NR3C1: variants seen among roughly 807,000 people sequenced by gnomAD.
NR3C1 encodes glucocorticoid receptor.
In NR3C1, 14 loss-of-function variants were observed where a neutral mutation model predicts 74.0. That is an observed-to-expected ratio of 0.19 (90% CI 0.12 to 0.30). The LOEUF (loss-of-function observed/expected upper bound fraction) is 0.30, where lower values mean the gene tolerates loss of function less well. NR3C1 is among the 10% of genes least tolerant of loss of function. The probability of loss-of-function intolerance (pLI) is 1.00; values close to 1 mark genes in which losing one functional copy is unlikely to be tolerated. For missense variants in NR3C1, 695 were observed against 909.8 expected (o/e 0.76, Z 3.04); for synonymous variants, 308 against 332.5 (o/e 0.93, Z 0.80).
intron 2 of NR3C1, among the ~76,000 whole-genome samples, chr5:143,378,117 G>A (rs1835543434): frequency 6.6e-6 from 1 of 152,010 alleles, no homozygotes; most frequent in South Asian, 2.1e-4. Flanking sequence ...CAAGGATGGT[G>A]GTGCACACCT....
intron 1 of NR3C1, among the ~76,000 whole-genome samples, chr5:143,411,669 T>C (rs959978033): frequency 3.9e-5 from 6 of 152,222 alleles, no homozygotes; most frequent in Non-Finnish European, 8.8e-5. Context: ...AATTTACTAT[T>C]AAGAGTGTTA....
chr5:143,302,204 T>A (rs545043724), intron 4 of NR3C1, among the ~76,000 whole-genome samples: 1 of 152,260 alleles, frequency 6.6e-6, no homozygotes, highest in African/African-American at 2.4e-5. Flanking sequence ...GTTGTGAGAA[T>A]TAAATATGTA....
chr5:143,318,077 T>G (rs1036755814), intron 2 of NR3C1, among the ~76,000 whole-genome samples: 1 of 152,122 alleles, frequency 6.6e-6, no homozygotes, highest in Non-Finnish European at 1.5e-5. Context: ...GTGGATTATA[T>G]ATATTAGAGT....
At chr5:143,429,787 T>C (rs1751716388) in intron 1 of NR3C1, among the ~76,000 whole-genome samples, 1 of 152,164 alleles carries the variant, frequency 6.6e-6, no homozygotes, top group African/African-American at 2.4e-5. Flanking sequence ...CCATCAAAAA[T>C]CATGGTTTTT....
chr5:143,363,308 G>A (rs951484609), intron 2 of NR3C1, among the ~76,000 whole-genome samples: 1 of 152,178 alleles, frequency 6.6e-6, no homozygotes, highest in Non-Finnish European at 1.5e-5. Context: ...AAATACTGGG[G>A]AGGGGAGACA....
chr5:143,379,473 A>G (rs949948386), intron 2 of NR3C1, among the ~76,000 whole-genome samples: 2 of 152,200 alleles, frequency 1.3e-5, no homozygotes, highest in Admixed American at 6.5e-5. Context: ...AACAATTCGG[A>G]TATCACAGAA....
intron 2 of NR3C1, among the ~76,000 whole-genome samples, chr5:143,352,647 A>G (rs1043930674): frequency 1.3e-5 from 2 of 152,228 alleles, no homozygotes; most frequent in Non-Finnish European, 2.9e-5. Context: ...GTTTCCCACT[A>G]CATATAAAAG....
At position 143,399,842 on chromosome 5, in the gene NR3C1, T is replaced by C. The variant is rs1361742125; in HGVS notation, c.998A>G (p.His333Arg). The C allele has an allele frequency of 3.7e-6, 6 of 1,614,100 alleles. No individual in the cohort carries two copies. Among genetic ancestry groups the C allele is most frequent in the Admixed American group, 3.3e-5 (2 of 60,014 alleles). The part of the protein sequence containing the change: ...GVSTSGGQMY[H>R]YDMNTASLSQ... ...AAGGGATGCTGTATTCATGTCATAG[T>C]GGTACATCTGTCCTCCAGAGGTACT... Residue 333 changes from histidine (H) to arginine (R), a missense_variant, in exon 2 of 9, where the codon CAC becomes CGC. His to Arg is a conservative substitution (Grantham distance 29, BLOSUM62 0). This residue lies in a region of NR3C1 where 497 missense variants were observed against 489.5 expected (regional missense o/e 1.02). Transcript: ENST00000394464.
chr5:143,405,431 T>A, upstream of NR3C1: 1 of 860,598 alleles, frequency 1.2e-6, no homozygotes, highest in Non-Finnish European at 1.4e-6. Flanking sequence ...GCCATCTTGG[T>A]AGGGTACAGT....
intron 2 of NR3C1, among the ~76,000 whole-genome samples, chr5:143,347,883 T>C (rs926623036): frequency 4.6e-5 from 7 of 152,254 alleles, no homozygotes; most frequent in African/African-American, 1.7e-4. Flanking sequence ...CCACATTCTG[T>C]GCCCAGTCTG....
intron 2 of NR3C1, among the ~76,000 whole-genome samples, chr5:143,331,236 C>T (rs1373353830): frequency 5.3e-5 from 8 of 152,108 alleles, no homozygotes; most frequent in Admixed American, 4.6e-4. Context: ...GCTGGGATAC[C>T]ATCTCACACC....
chr5:143,401,788 G>A (rs2151944421), intron 1 of NR3C1, among the ~76,000 whole-genome samples: 1 of 152,260 alleles, frequency 6.6e-6, no homozygotes, highest in South Asian at 2.1e-4. Flanking sequence ...GAAAAACACA[G>A]AACCGTAAAA....
At chr5:143,288,960 C>T (rs1815214180) in intron 7 of NR3C1, among the ~76,000 whole-genome samples, 1 of 151,652 alleles carries the variant, frequency 6.6e-6, no homozygotes, top group Admixed American at 6.6e-5. Flanking sequence ...CAAAAATTAG[C>T]CAAGCATGAT....
intron 3 of NR3C1, among the ~76,000 whole-genome samples, chr5:143,311,228 T>C (rs1339002970): frequency 3.3e-5 from 5 of 152,316 alleles, no homozygotes; most frequent in South Asian, 4.1e-4. Context: ...GATACATCTA[T>C]TGATGAAGTG....
intron 2 of NR3C1, among the ~76,000 whole-genome samples, chr5:143,397,521 T>C (rs1839446368): frequency 6.6e-6 from 1 of 151,962 alleles, no homozygotes; most frequent in Non-Finnish European, 1.5e-5. Context: ...TGAAGCTTTG[T>C]TTTGGGTAAT....
exon 1 of NR3C1, chr5:143,434,621 C>T: frequency 5.1e-6 from 5 of 985,400 alleles, no homozygotes; most frequent in African/African-American, 3.5e-5. Flanking sequence ...TATTAAGGTA[C>T]AACTAAAGCC....
chr5:143,306,936 G>A (rs1262465034), intron 4 of NR3C1, among the ~76,000 whole-genome samples: 2 of 127,362 alleles, frequency 1.6e-5, no homozygotes, highest in African/African-American at 6.2e-5. Context: ...TCGCTCTGTC[G>A]CCCAGGCTGG....
At chr5:143,352,795 T>C (rs1021967805) in intron 2 of NR3C1, among the ~76,000 whole-genome samples, 4 of 152,236 alleles carry the variant, frequency 2.6e-5, no homozygotes, top group Admixed American at 2.0e-4. Flanking sequence ...ATCTTTTTCC[T>C]TGTGGAGGGT....
At position 143,423,854 on chromosome 5, in the gene NR3C1, A is replaced by T. The variant is rs890408968; in HGVS notation, c.-14+10678T>A. ...ATTATGCAAGAGAAATAAGCCAGGC[A>T]CAGAAAGACAAATATCACATTTCTT... On this transcript the variant is annotated intron_variant, in intron 1 of 8. Transcript: ENST00000343796. 1.7e-4 allele frequency among the ~76,000 whole-genome samples: 26 copies of T among 152,012 alleles called. 1 individual carries two copies. The highest frequency in any genetic ancestry group is 1.5e-3 in the Admixed American group (23 of 15,258).
Sources: gnomAD v4.1 joint callset for allele counts (sites outside exome capture counted in the v4.1 genomes callset) on GRCh38, gnomAD v4.1.1 for gene constraint, gnomAD v4.1.1 regional missense constraint, MANE v1.5 for transcripts, NCBI Gene and HGNC (gene_info 2026-07-23, HGNC 2026-07-21) for gene names.